Variants in HEPHL1 observed in about 807,000 individuals in gnomAD.
HEPHL1 encodes the protein ferroxidase HEPHL1.
HEPHL1 carries 123 observed loss-of-function variants against 122.0 expected under a neutral mutation model. That is an observed-to-expected ratio of 1.01 (90% CI 0.87 to 1.17). The LOEUF is 1.17. Ranked by LOEUF, HEPHL1 falls within the 50% of genes most tolerant of loss-of-function variation. The pLI is 0.00. For missense variants in HEPHL1, 1,452 were observed against 1,430.5 expected, an observed-to-expected ratio of 1.01 and a Z score of -0.24; for synonymous variants, 527 against 508.9, an observed-to-expected ratio of 1.04 and a Z score of -0.48.
At position 94,104,510 on chromosome 11, in the gene HEPHL1, G is replaced by T. The variant is rs747694384; in HGVS notation, c.2683-18G>T. 6.4e-7 allele frequency: 1 copy of T among 1,552,858 alleles called. No individual in the cohort carries two copies. Among genetic ancestry groups the T allele is most frequent in the African/African-American group, 1.4e-5 (1 of 73,418 alleles). Reference sequence around the variant, plus strand: ...ATTACTTAATGGCTCTTTTAACTCAGTTTATTTTTTCTTCCAGGATACGTA... The same window carrying T: ...ATTACTTAATGGCTCTTTTAACTCATTTTATTTTTTCTTCCAGGATACGTA... On this transcript the variant is annotated intron_variant, in intron 15 of 19. Transcript: ENST00000315765.
chr11:94,035,480 A>G (rs1327943432), intron 1 of HEPHL1, among the ~76,000 whole-genome samples: 1 of 152,178 alleles, frequency 6.6e-6, no homozygotes, highest in Non-Finnish European at 1.5e-5. Context: ...ATCTTCTGGG[A>G]GAGTTCCTTT....
intron 10 of HEPHL1, among the ~76,000 whole-genome samples, chr11:94,084,740 G>A (rs1308454143): frequency 6.6e-6 from 1 of 152,100 alleles, no homozygotes; most frequent in East Asian, 1.9e-4. Context: ...ACATTTGATG[G>A]ACAAGATTTA....
chr11:94,037,189 T>C (rs1479775921), intron 1 of HEPHL1, among the ~76,000 whole-genome samples: 103 of 146,876 alleles, frequency 7.0e-4, no homozygotes, highest in South Asian at 1.3e-3. Flanking sequence ...ACCACGAGAT[T>C]ATATCCCGCA....
At chr11:94,091,215 T>C (rs1946261870) in intron 12 of HEPHL1, among the ~76,000 whole-genome samples, 1 of 152,198 alleles carries the variant, frequency 6.6e-6, no homozygotes, top group South Asian at 2.1e-4. Context: ...CAGTTTTTGC[T>C]CAGCATCTCT....
chr11:94,055,337 C>T, intron 2 of HEPHL1: 1 of 255,128 alleles, frequency 3.9e-6, no homozygotes, highest in African/African-American at 2.2e-5. Flanking sequence ...GTGTCAAGGA[C>T]ACATCATCCA....
At position 94,045,691 on chromosome 11, in the gene HEPHL1, C is replaced by T. The variant is rs181178133; in HGVS notation, c.189C>T (p.Leu63=). ...FTEDKLATLF[L]ERGPNRIGSI... ...CTTTTAGACTTGCAACCTTATTTCTCGAAAGAGGGCCCAACAGGATAGGCA... is the reference window on the plus strand; with the variant it reads ...CTTTTAGACTTGCAACCTTATTTCTTGAAAGAGGGCCCAACAGGATAGGCA... Residue 63 remains leucine, a synonymous_variant, in exon 2 of 20, where the codon CTC becomes CTT. Transcript: ENST00000315765. 4.4e-5 allele frequency: 70 copies of T among 1,606,164 alleles called. No homozygotes were observed. The highest frequency in any genetic ancestry group is 1.2e-4 in the Admixed American group (7 of 58,624).
At chr11:94,053,624 C>A (rs1945910222) in intron 2 of HEPHL1, among the ~76,000 whole-genome samples, 1 of 151,902 alleles carries the variant, frequency 6.6e-6, no homozygotes, top group South Asian at 2.1e-4. Flanking sequence ...ATGGCTTTAC[C>A]TGTATCTCAT....
At chr11:94,056,268 A>G (rs986602504) in intron 2 of HEPHL1, among the ~76,000 whole-genome samples, 1 of 152,190 alleles carries the variant, frequency 6.6e-6, no homozygotes, top group Non-Finnish European at 1.5e-5. Flanking sequence ...TACAAACAGC[A>G]TATAATAGAA....
At chr11:94,096,145 T>C (rs1267661526) in intron 13 of HEPHL1, among the ~76,000 whole-genome samples, 2 of 152,214 alleles carry the variant, frequency 1.3e-5, no homozygotes, top group African/African-American at 4.8e-5. Flanking sequence ...AGTATGATAT[T>C]GGCTGTCGGT....
intron 2 of HEPHL1, among the ~76,000 whole-genome samples, chr11:94,048,811 GT>G (rs1945862840): frequency 6.6e-6 from 1 of 152,110 alleles, no homozygotes; most frequent in African/African-American, 2.4e-5. Flanking sequence ...TCAGAAGTGT[GT>G]TGGTTTATCT....
At chr11:94,060,831 A>G (rs1329162307) in intron 2 of HEPHL1, among the ~76,000 whole-genome samples, 5 of 152,184 alleles carry the variant, frequency 3.3e-5, no homozygotes, top group African/African-American at 1.2e-4. Context: ...TTAAACAGGG[A>G]ACAATAGAAT....
chr11:94,046,723 T>TCC (rs1945843096), intron 2 of HEPHL1, among the ~76,000 whole-genome samples: 1 of 151,924 alleles, frequency 6.6e-6, no homozygotes, highest in East Asian at 1.9e-4. Flanking sequence ...TTAGGGCAGT[T>TCC]TCTGGATTCC....
chr11:94,090,996 G>C (rs1346851868), intron 12 of HEPHL1, among the ~76,000 whole-genome samples: 1 of 152,130 alleles, frequency 6.6e-6, no homozygotes, highest in Non-Finnish European at 1.5e-5. Flanking sequence ...GAGGAAATTT[G>C]AAAACAGAAA....
chr11:94,064,792 G>A (rs1358030299), intron 4 of HEPHL1, among the ~76,000 whole-genome samples: 1 of 152,154 alleles, frequency 6.6e-6, no homozygotes, highest in African/African-American at 2.4e-5. Context: ...AATTGGAAAA[G>A]AATCGGTGCC....
intron 8 of HEPHL1, 90 bp from the exon 9 acceptor site, chr11:94,075,084 G>A (rs1946108805): frequency 1.8e-5 from 20 of 1,102,342 alleles, no homozygotes; most frequent in Non-Finnish European, 2.7e-5. Flanking sequence ...TTCATCATCA[G>A]AGGGAGGCAC....
Position 94,045,809 on chromosome 11 carries a change from A to G in HEPHL1, c.307A>G (p.Ile103Val). Residue 103 changes from isoleucine to valine, a missense_variant, in exon 2 of 20, where the codon ATC (isoleucine) becomes GTC (valine). Physicochemically the swap from Ile to Val is conservative, Grantham distance 29 (BLOSUM62 3). Coordinates refer to ENST00000315765, the MANE Select transcript of HEPHL1 (RefSeq NM_001098672.2). ...KPPWLGFLGP[I>V]LRAEVGDVIV... ...TCCCTGGCTTGGATTCCTGGGCCCC[A>G]TCTTGAGGGCCGAAGTGGGTGATGT... is the stretch of plus-strand genomic sequence containing the variant. 1.9e-6 allele frequency: 3 copies of G among 1,613,958 alleles called. No individual in the cohort carries two copies. The highest frequency in any genetic ancestry group is 2.5e-6 in the Non-Finnish European group (3 of 1,179,868).
intron 9 of HEPHL1, among the ~76,000 whole-genome samples, chr11:94,077,947 C>A (rs144639652): frequency 5.6e-4 from 86 of 152,270 alleles, no homozygotes; most frequent in African/African-American, 2.0e-3. Context: ...AGGTCACTTT[C>A]TTTTATATCA....
At chr11:94,070,234 T>C (rs1565354080) in intron 5 of HEPHL1, 140 bp from the exon 6 acceptor site, 3 of 684,666 alleles carry the variant, frequency 4.4e-6, no homozygotes, top group Non-Finnish European at 2.2e-6. Context: ...CCATTTATCC[T>C]TTTTAAAAAA....
chr11:94,046,227 G>A (rs1945837099), intron 2 of HEPHL1, among the ~76,000 whole-genome samples: 1 of 148,538 alleles, frequency 6.7e-6, no homozygotes, highest in Admixed American at 6.9e-5. Flanking sequence ...CTCTAGTGCT[G>A]GGATTACAGA....
Sources: gnomAD v4.1 joint callset for allele counts (sites outside exome capture counted in the v4.1 genomes callset) on GRCh38, gnomAD v4.1.1 for gene constraint, MANE v1.5 for transcripts, NCBI Gene and HGNC (gene_info 2026-07-23, HGNC 2026-07-21) for gene names.